SHANK2: variants seen among roughly 807,000 people sequenced by gnomAD.
SHANK2 encodes SH3 and multiple ankyrin repeat domains 2.
SHANK2 carries 43 observed loss-of-function variants against 133.7 expected under a neutral mutation model. That is an observed-to-expected ratio of 0.32 (90% CI 0.25 to 0.41). The LOEUF (loss-of-function observed/expected upper bound fraction) is 0.41. Among genes scored for constraint, SHANK2 ranks in the 10% least tolerant of loss-of-function variants. The pLI, the probability that SHANK2 is intolerant of heterozygous loss-of-function variation, is 1.00. For synonymous variants in SHANK2, 1,017 were observed against 952.8 expected (o/e 1.07, Z -1.24); for missense variants, 1,994 against 2,235.8 (o/e 0.89, Z 2.18).
intron 10 of SHANK2, among the ~76,000 whole-genome samples, chr11:70,923,153 C>T (rs569393516): frequency 1.3e-5 from 2 of 152,282 alleles, no homozygotes; most frequent in South Asian, 4.1e-4. Flanking sequence ...TTTGCAGTTG[C>T]ATGGTCAGGA....
At chr11:70,933,231 T>C (rs1221518455) in intron 10 of SHANK2, 1 of 456,244 alleles carries the variant, frequency 2.2e-6, no homozygotes, top group African/African-American at 2.0e-5. Context: ...GGAGGAACCT[T>C]GAGGACACTG....
intron 17 of SHANK2, among the ~76,000 whole-genome samples, chr11:70,620,421 G>T (rs937952261): frequency 2.0e-5 from 3 of 152,174 alleles, no homozygotes; most frequent in African/African-American, 7.2e-5. Context: ...TAATTAAGCA[G>T]AACAGGTAAT....
chr11:71,073,361 A>G (rs1261233401), intron 9 of SHANK2, among the ~76,000 whole-genome samples: 1 of 150,808 alleles, frequency 6.6e-6, no homozygotes, highest in Non-Finnish European at 1.5e-5. Context: ...GTTTCACCAC[A>G]TTGGCCAGGC....
intron 17 of SHANK2, among the ~76,000 whole-genome samples, chr11:70,657,840 A>G (rs1555012020): frequency 6.6e-6 from 1 of 152,128 alleles, no homozygotes; most frequent in African/African-American, 2.4e-5. Context: ...CAAAGCTCCA[A>G]ATTTCCACAA....
intron 14 of SHANK2, among the ~76,000 whole-genome samples, chr11:70,751,141 A>G (rs2134892717): frequency 6.6e-6 from 1 of 152,346 alleles, no homozygotes; most frequent in South Asian, 2.1e-4. Flanking sequence ...CAATCTGAAC[A>G]AGAGAGAAAA....
At chr11:70,676,891 T>C (rs78295881) in intron 15 of SHANK2, among the ~76,000 whole-genome samples, 1 of 152,078 alleles carries the variant, frequency 6.6e-6, no homozygotes, top group Non-Finnish European at 1.5e-5. Context: ...TCACAACCCC[T>C]CATCTCAAAT....
intron 2 of SHANK2, among the ~76,000 whole-genome samples, chr11:71,195,456 T>C (rs1398886925): frequency 5.3e-5 from 8 of 152,070 alleles, no homozygotes; most frequent in African/African-American, 9.7e-5. Context: ...AGGTGAATGA[T>C]TGATGGAGAC....
At chr11:71,127,555 G>GAGACA (rs1297505387) in intron 3 of SHANK2, among the ~76,000 whole-genome samples, 2 of 152,308 alleles carry the variant, frequency 1.3e-5, no homozygotes, top group East Asian at 3.9e-4. Context: ...CCATCAACAT[G>GAGACA]AGACAAGACA....
chr11:70,537,431 A>G (rs2059559412), intron 17 of SHANK2, among the ~76,000 whole-genome samples: 1 of 152,256 alleles, frequency 6.6e-6, no homozygotes, highest in Non-Finnish European at 1.5e-5. Context: ...GAGACAGAAG[A>G]GGAGGAGACA....
intron 1 of SHANK2, among the ~76,000 whole-genome samples, chr11:71,237,747 G>C (rs940777558): frequency 1.3e-5 from 2 of 152,180 alleles, no homozygotes; most frequent in Non-Finnish European, 2.9e-5. Context: ...ATCACTAGCT[G>C]TAGAGCCTAC....
intron 10 of SHANK2, among the ~76,000 whole-genome samples, chr11:70,940,793 C>T (rs10899699): frequency 0.28 from 42,004 of 151,996 alleles, 6,739 homozygotes; most frequent in African/African-American, 0.45. Context: ...CTATGTGGGG[C>T]ATTAAAACTT....
rs868926893 is a variant in SHANK2 at position 70,619,070 on chromosome 11, T to C, written c.2061+40758A>G. 1.6e-4 allele frequency among the ~76,000 whole-genome samples: 24 copies of C among 152,284 alleles called. No individual in the cohort carries two copies. The Middle Eastern group carries it at 0.01, about 65-fold the overall frequency. ...CTTCAGGACCCCCGCTTTCTGCCCA[T>C]GGCCCTGCCCAGGGGAGGCGGACCC... On this transcript the variant is annotated intron_variant, in intron 17 of 25. Coordinates refer to ENST00000601538, the MANE Select transcript of SHANK2 (RefSeq NM_012309.5).
At chr11:71,126,748 A>T (rs1952197641) in intron 3 of SHANK2, among the ~76,000 whole-genome samples, 7 of 119,846 alleles carry the variant, frequency 5.8e-5, no homozygotes, top group Admixed American at 5.2e-4. Flanking sequence ...TTTTTTTGAG[A>T]TGGAGTCTCA....
chr11:71,170,765 G>A (rs782620169), intron 2 of SHANK2, among the ~76,000 whole-genome samples: 2 of 152,188 alleles, frequency 1.3e-5, no homozygotes, highest in Admixed American at 6.5e-5. Flanking sequence ...GAGCTGGGAC[G>A]CTCCCAGGTG....
At chr11:71,129,960 G>A (rs1952267214) in intron 3 of SHANK2, among the ~76,000 whole-genome samples, 1 of 152,156 alleles carries the variant, frequency 6.6e-6, no homozygotes, top group African/African-American at 2.4e-5. Flanking sequence ...TCCTCTGGAG[G>A]CCTCTCTTCC....
At chr11:71,134,367 G>A (rs1158986452) in intron 3 of SHANK2, among the ~76,000 whole-genome samples, 26 of 152,078 alleles carry the variant, frequency 1.7e-4, no homozygotes, top group Middle Eastern at 3.4e-3. Context: ...TCACTCATCC[G>A]TGAATTTCCT....
intron 11 of SHANK2, among the ~76,000 whole-genome samples, chr11:70,887,675 C>T (rs1555073794): frequency 6.6e-6 from 1 of 152,144 alleles, no homozygotes; most frequent in African/African-American, 2.4e-5. Flanking sequence ...GCCACTTGAT[C>T]CTTTAAAGAG....
At chr11:70,914,061 C>A (rs142047204) in intron 10 of SHANK2, among the ~76,000 whole-genome samples, 1 of 152,100 alleles carries the variant, frequency 6.6e-6, no homozygotes, top group Non-Finnish European at 1.5e-5. Flanking sequence ...AACAGGGCGG[C>A]GGTGGGGGAT....
chr11:71,176,729 C>T (rs537927095), intron 2 of SHANK2, among the ~76,000 whole-genome samples: 157 of 151,974 alleles, frequency 1.0e-3, no homozygotes, highest in African/African-American at 3.7e-3. Flanking sequence ...AACCATGAAA[C>T]AATGTCAAGC....
Sources: allele counts gnomAD v4.1 joint callset (sites outside exome capture counted in the v4.1 genomes callset), GRCh38; gene constraint gnomAD v4.1.1; transcripts MANE v1.5; gene names NCBI Gene and HGNC (gene_info 2026-07-23, HGNC 2026-07-21).